Variants in APBB1IP observed in about 807,000 individuals in gnomAD.
APBB1IP encodes amyloid beta precursor protein binding family B member 1 interacting protein, also known as amyloid beta A4 precursor protein-binding family B member 1-interacting protein.
In APBB1IP, 27 loss-of-function variants were observed where a neutral mutation model predicts 64.9. The ratio of observed to expected loss-of-function variants is 0.42; its 90% confidence interval spans 0.31 to 0.57. APBB1IP has a LOEUF of 0.57. Ranked by LOEUF, APBB1IP falls within the 20% of genes least tolerant of loss-of-function variation. The pLI, the probability that APBB1IP is intolerant of heterozygous loss-of-function variation, is 0.20. For synonymous variants in APBB1IP, 392 were observed against 331.0 expected, an observed-to-expected ratio of 1.18 and a Z score of -2.00; for missense variants, 812 against 845.5, an observed-to-expected ratio of 0.96 and a Z score of 0.49.
chr10:26,502,657 A>AT (rs1471605544), intron 5 of APBB1IP, among the ~76,000 whole-genome samples: 2 of 151,630 alleles, frequency 1.3e-5, no homozygotes, highest in Non-Finnish European at 2.9e-5. Context: ...AAAAAAAAAA[A>AT]TCAGTCTCTC....
intron 11 of APBB1IP, among the ~76,000 whole-genome samples, chr10:26,542,531 C>T (rs568088156): frequency 3.3e-5 from 5 of 152,238 alleles, no homozygotes; most frequent in Non-Finnish European, 5.9e-5. Flanking sequence ...ACATGTGATG[C>T]GTTACGGGTC....
chr10:26,521,302 A>G (rs907843829), intron 8 of APBB1IP, among the ~76,000 whole-genome samples: 1 of 152,226 alleles, frequency 6.6e-6, no homozygotes, highest in African/African-American at 2.4e-5. Context: ...ATCAACTCTC[A>G]GTGGTGATCC....
At chr10:26,538,509 C>T (rs1189341291) in intron 10 of APBB1IP, among the ~76,000 whole-genome samples, 3 of 151,444 alleles carry the variant, frequency 2.0e-5, no homozygotes, top group Non-Finnish European at 4.4e-5. Flanking sequence ...GGCGTGGTGG[C>T]GGGCGCCTGT....
At chr10:26,487,654 T>G (rs949103979) in intron 2 of APBB1IP, among the ~76,000 whole-genome samples, 1 of 152,118 alleles carries the variant, frequency 6.6e-6, no homozygotes, top group African/African-American at 2.4e-5. Flanking sequence ...CGCGCTGTTG[T>G]TTTGAGTTAT....
chr10:26,484,672 T>A (rs1835871742), intron 2 of APBB1IP, among the ~76,000 whole-genome samples: 1 of 152,186 alleles, frequency 6.6e-6, no homozygotes, highest in Admixed American at 6.5e-5. Flanking sequence ...AAAATTCCTA[T>A]ATAAACAATT....
At chr10:26,445,078 C>T (rs1835376951) in intron 2 of APBB1IP, among the ~76,000 whole-genome samples, 2 of 131,846 alleles carry the variant, frequency 1.5e-5, no homozygotes, top group Admixed American at 8.5e-5. Context: ...AGCCTGGTGA[C>T]AGAGTGAGAT....
intron 8 of APBB1IP, among the ~76,000 whole-genome samples, chr10:26,514,779 A>G (rs1378878213): frequency 6.6e-6 from 1 of 152,154 alleles, no homozygotes; most frequent in Non-Finnish European, 1.5e-5. Context: ...CCTAGGTTGT[A>G]TGGTGGCTGA....
chr10:26,505,762 T>A (rs1215831226), intron 6 of APBB1IP, among the ~76,000 whole-genome samples: 1 of 151,890 alleles, frequency 6.6e-6, no homozygotes, highest in Non-Finnish European at 1.5e-5. Context: ...TACCCATATA[T>A]CCCATATTCT....
intron 8 of APBB1IP, among the ~76,000 whole-genome samples, chr10:26,518,561 A>G (rs1438204957): frequency 6.6e-6 from 1 of 152,226 alleles, no homozygotes; most frequent in African/African-American, 2.4e-5. Flanking sequence ...CTGTTGTTCC[A>G]GATCCTTGAT....
rs375916170 is a variant in APBB1IP at position 26,510,734 on chromosome 10, T to TCTCTCTCACACACACA, written c.532-1012_532-1011insTCTCTCACACACACAC. Among the ~76,000 whole-genome samples, 382 of 135,972 alleles carry TCTCTCTCACACACACA rather than the reference T, an allele frequency of 2.8e-3. 1 individual carries two copies. The highest frequency in any genetic ancestry group is 8.8e-3 in the African/African-American group (314 of 35,784). The allele number at this position is 135,972 out of a possible 152,430, so 89.2% of individuals were successfully genotyped here. ...CTAGGCAACAGAGCAAGACCCTGTC[T>TCTCTCTCACACACACA]CACACACACACACACACACACACAC... On this transcript the variant is annotated intron_variant, in intron 6 of 14. Transcript: ENST00000376236.
chr10:26,512,945 T>C (rs1349027069), intron 7 of APBB1IP, among the ~76,000 whole-genome samples: 1 of 152,230 alleles, frequency 6.6e-6, no homozygotes, highest in Non-Finnish European at 1.5e-5. Flanking sequence ...CCTTTCTTTA[T>C]GTTTTAATTC....
intron 2 of APBB1IP, among the ~76,000 whole-genome samples, chr10:26,463,491 C>T (rs1210776325): frequency 6.6e-6 from 1 of 152,098 alleles, no homozygotes; most frequent in Non-Finnish European, 1.5e-5. Flanking sequence ...AATTTCTTTT[C>T]CCACTCCCTT....
At chr10:26,493,705 G>A (rs1384621041) in intron 3 of APBB1IP, among the ~76,000 whole-genome samples, 1 of 152,152 alleles carries the variant, frequency 6.6e-6, no homozygotes, top group Non-Finnish European at 1.5e-5. Context: ...CATACATCAA[G>A]CTCATAGTAT....
At chr10:26,464,345 T>C (rs894579574) in intron 2 of APBB1IP, among the ~76,000 whole-genome samples, 1 of 152,210 alleles carries the variant, frequency 6.6e-6, no homozygotes, top group African/African-American at 2.4e-5. Context: ...AACACCGCTA[T>C]GTACCAGTTG....
At chr10:26,449,752 G>A (rs534080964) in intron 2 of APBB1IP, among the ~76,000 whole-genome samples, 37 of 152,280 alleles carry the variant, frequency 2.4e-4, no homozygotes, top group African/African-American at 7.5e-4. Flanking sequence ...GTTTATGCCT[G>A]TAAACGCAAC....
At chr10:26,497,850 C>T (rs1836046883) in intron 4 of APBB1IP, among the ~76,000 whole-genome samples, 1 of 151,540 alleles carries the variant, frequency 6.6e-6, no homozygotes, top group African/African-American at 2.4e-5. Flanking sequence ...CCTCAGCCTC[C>T]CGAGTAGCTG....
intron 9 of APBB1IP, 65 bp downstream of exon 9, chr10:26,533,590 C>T: frequency 1.9e-6 from 2 of 1,066,272 alleles, no homozygotes; most frequent in Admixed American, 3.1e-5. Flanking sequence ...AAGTCATTTG[C>T]TTCCGAGAAC....
intron 8 of APBB1IP, among the ~76,000 whole-genome samples, chr10:26,530,214 T>C (rs976423150): frequency 8.6e-6 from 1 of 116,534 alleles, no homozygotes. Context: ...TACTTAAAGC[T>C]TTTTTTTCTT....
In APBB1IP at chr10:26,536,112, G is replaced by A. The variant is rs781179189; in HGVS notation, c.939G>A (p.Leu313=). 6.2e-6 allele frequency: 10 copies of A among 1,605,882 alleles called. No individual in the cohort carries two copies. The Admixed American group carries it at 1.5e-4, about 25-fold the overall frequency. The change falls in exon 10 of 15, where the codon CTG becomes CTA. Residue 313 remains leucine, a synonymous_variant. Coordinates refer to ENST00000376236, the MANE Select transcript of APBB1IP (RefSeq NM_019043.4). ...FCGTSIIVPE[L]EGALYLKEDG... is the part of the protein sequence containing the mutation. ...GAACATCTATCATTGTACCAGAACTGGAAGGAGCTCTTTATTTGAAAGAAG... is the reference window on the plus strand; with the variant it reads ...GAACATCTATCATTGTACCAGAACTAGAAGGAGCTCTTTATTTGAAAGAAG...
Sources: allele counts gnomAD v4.1 joint callset (sites outside exome capture counted in the v4.1 genomes callset), GRCh38; gene constraint gnomAD v4.1.1; transcripts MANE v1.5; gene names NCBI Gene and HGNC (gene_info 2026-07-23, HGNC 2026-07-21).